C13orf42: variants seen among roughly 807,000 people sequenced by gnomAD.
The protein encoded by C13orf42 is chromosome 13 open reading frame 42, also known as uncharacterized protein C13orf42.
chr13:51,140,041 G>A (rs1467062054), intron 1 of C13orf42, among the ~76,000 whole-genome samples: 1 of 152,172 alleles, frequency 6.6e-6, no homozygotes, highest in African/African-American at 2.4e-5. Flanking sequence ...GAAAACTCAA[G>A]CTGGGAACTG....
At chr13:51,163,662 G>C (rs977216503) in intron 1 of C13orf42, among the ~76,000 whole-genome samples, 3 of 152,124 alleles carry the variant, frequency 2.0e-5, no homozygotes, top group Admixed American at 6.5e-5. Context: ...AATGGGCCAG[G>C]GGTTCGGATG....
chr13:51,122,677 T>C (rs1953546603), intron 1 of C13orf42, among the ~76,000 whole-genome samples: 1 of 152,208 alleles, frequency 6.6e-6, no homozygotes, highest in African/African-American at 2.4e-5. Flanking sequence ...TCCTGCCCAC[T>C]ACAAGTAGAT....
chr13:51,161,932 A>G (rs1342277624), intron 1 of C13orf42: 5 of 494,460 alleles, frequency 1.0e-5, no homozygotes, highest in African/African-American at 2.0e-5. Flanking sequence ...CTGGCTGACC[A>G]TCAGTGCTTC....
chr13:51,167,004 G>A (rs1171527873), intron 1 of C13orf42, among the ~76,000 whole-genome samples: 1 of 151,902 alleles, frequency 6.6e-6, no homozygotes, highest in African/African-American at 2.4e-5. Flanking sequence ...ACTTGAACCT[G>A]GGAGACAGAG....
intron 1 of C13orf42, among the ~76,000 whole-genome samples, chr13:51,158,834 T>A (rs912695699): frequency 6.6e-6 from 1 of 152,250 alleles, no homozygotes; most frequent in Non-Finnish European, 1.5e-5. Flanking sequence ...GTTCTTTTAG[T>A]GTGATAGAGG....
chr13:51,096,973 A>T (rs1953240691), intron 1 of C13orf42, among the ~76,000 whole-genome samples: 1 of 152,174 alleles, frequency 6.6e-6, no homozygotes, highest in African/African-American at 2.4e-5. Context: ...TTCTTCGAAA[A>T]TACAAGCAAG....
chr13:51,118,372 G>C (rs1041061374), intron 1 of C13orf42, among the ~76,000 whole-genome samples: 3 of 152,206 alleles, frequency 2.0e-5, no homozygotes, highest in African/African-American at 7.2e-5. Flanking sequence ...AAGACACCTG[G>C]AGAGGGGCAC....
chr13:51,105,872 A>C (rs1274465890), intron 1 of C13orf42, among the ~76,000 whole-genome samples: 1 of 152,226 alleles, frequency 6.6e-6, no homozygotes, highest in African/African-American at 2.4e-5. Context: ...GACATGATAC[A>C]GAAGCTAATT....
intron 1 of C13orf42, among the ~76,000 whole-genome samples, chr13:51,150,995 C>A (rs1005751899): frequency 6.6e-6 from 1 of 152,274 alleles, no homozygotes; most frequent in East Asian, 1.9e-4. Flanking sequence ...TCTTCAGAAC[C>A]CCCCTGGCCT....
At chr13:51,145,723 ATATAACCATT>A (rs79336295) in intron 1 of C13orf42, among the ~76,000 whole-genome samples, 74,361 of 151,532 alleles carry the variant, frequency 0.49, 18,329 homozygotes, top group African/African-American at 0.54. Context: ...ACTCAAAAGA[ATATAACCATT>A]TATGTATCAC....
intron 3 of C13orf42, among the ~76,000 whole-genome samples, chr13:51,084,889 T>C (rs1648578442): frequency 6.6e-6 from 1 of 152,234 alleles, no homozygotes; most frequent in African/African-American, 2.4e-5. Context: ...TTCTACATCT[T>C]GGAGCCTGCC....
chr13:51,125,433 TG>T (rs1191839382), intron 1 of C13orf42, among the ~76,000 whole-genome samples: 1 of 152,166 alleles, frequency 6.6e-6, no homozygotes, highest in Non-Finnish European at 1.5e-5. Context: ...TTGTCGAGAA[TG>T]TATATTTTAT....
At chr13:51,105,335 A>T (rs1462562316) in intron 1 of C13orf42, among the ~76,000 whole-genome samples, 2 of 152,240 alleles carry the variant, frequency 1.3e-5, no homozygotes, top group Admixed American at 6.5e-5. Context: ...GACTACCCCC[A>T]TGAGGACAAG....
chr13:51,095,537 GTTTTTT>G (rs532759692), intron 1 of C13orf42, among the ~76,000 whole-genome samples: 2 of 147,550 alleles, frequency 1.4e-5, no homozygotes, highest in African/African-American at 2.5e-5. Context: ...TACTTATTTG[GTTTTTT>G]TTTTAACTAT....
At chr13:51,129,614 CCCTTT>C (rs1319823278) in intron 1 of C13orf42, among the ~76,000 whole-genome samples, 1 of 152,210 alleles carries the variant, frequency 6.6e-6, no homozygotes, top group African/African-American at 2.4e-5. Flanking sequence ...TTTCTCCCTT[CCCTTT>C]CCTTTCTTTC....
chr13:51,148,328 C>T (rs969157978), intron 1 of C13orf42, among the ~76,000 whole-genome samples: 2 of 152,214 alleles, frequency 1.3e-5, no homozygotes, highest in African/African-American at 2.4e-5. Context: ...GGAAGGACTA[C>T]GTCAGCAACA....
At chr13:51,131,657 G>C (rs766270833) in intron 1 of C13orf42, among the ~76,000 whole-genome samples, 1 of 152,158 alleles carries the variant, frequency 6.6e-6, no homozygotes, top group Non-Finnish European at 1.5e-5. Context: ...TTATGGAACA[G>C]AGTTCCATCA....
intron 1 of C13orf42, among the ~76,000 whole-genome samples, chr13:51,152,472 C>T (rs142201189): frequency 7.3e-4 from 111 of 152,290 alleles, no homozygotes; most frequent in East Asian, 1.2e-3. Flanking sequence ...CTCAGTTTCT[C>T]TGAATAGCTG....
At chr13:51,086,949 C>T (rs1266821653) in intron 2 of C13orf42, among the ~76,000 whole-genome samples, 1 of 152,100 alleles carries the variant, frequency 6.6e-6, no homozygotes, top group Non-Finnish European at 1.5e-5. Context: ...AGATACACAT[C>T]TATCAAGGCC....
Sources: gnomAD v4.1 joint callset for allele counts (sites outside exome capture counted in the v4.1 genomes callset) on GRCh38, gnomAD v4.1.1 for gene constraint, MANE v1.5 for transcripts, NCBI Gene and HGNC (gene_info 2026-07-23, HGNC 2026-07-21) for gene names.